Variants in ZNF500 observed in about 807,000 individuals in gnomAD.
The protein encoded by ZNF500 is zinc finger protein 500.
Under a neutral mutation model 30.1 loss-of-function variants are expected in ZNF500, and 31 were observed. The ratio of observed to expected loss-of-function variants is 1.03; its 90% CI spans 0.77 to 1.39. ZNF500 has a LOEUF of 1.39. Among genes scored for constraint, ZNF500 ranks in the 40% most tolerant of loss-of-function variants. The pLI, the probability that ZNF500 is intolerant of heterozygous loss-of-function variation, is 0.00. For missense variants in ZNF500, 817 were observed against 657.8 expected, an observed-to-expected ratio of 1.24 and a Z score of -2.65; for synonymous variants, 392 against 282.0, an observed-to-expected ratio of 1.39 and a Z score of -3.91.
Position 4,765,552 on chromosome 16 carries a change from T to G in ZNF500, c.414+13A>C, listed in dbSNP as rs895849169. 7 of 1,568,612 alleles carry G rather than the reference T, an allele frequency of 4.5e-6. No homozygotes were observed. The South Asian group carries it at 8.4e-5, about 19-fold the overall frequency. ...CCATTTCCTCACCTGAGGGTCAAAA[T>G]GCCCCCACTCACCCGCTGCCTGTGT... is the stretch of plus-strand genomic sequence containing the variant. On this transcript the variant is annotated intron_variant, in intron 2 of 5. Transcript: ENST00000219478.
rs1160184553 is a variant in ZNF500, at chr16:4,748,509, G to A, written c.*3867C>T. 1 of 152,110 alleles carries A rather than the reference G, an allele frequency of 6.6e-6. No individual in the cohort carries two copies. 9.4% of individuals were successfully genotyped at this position (152,110 alleles called of 1,614,324 possible). On this transcript the variant is annotated 3_prime_UTR_variant, in exon 6 of 6. Coordinates refer to ENST00000219478, the MANE Select transcript of ZNF500 (RefSeq NM_021646.4). Reference sequence around the variant, plus strand: ...CTGGAAATGCTGTCCTGTGTAGAATGGAGCAGCGGCCTCACTTGTTGATCA... The same window carrying A: ...CTGGAAATGCTGTCCTGTGTAGAATAGAGCAGCGGCCTCACTTGTTGATCA...
chr16:4,762,435 C>G (rs1485246051), intron 3 of ZNF500, 100 bp from the exon 4 acceptor site: 5 of 1,521,782 alleles, frequency 3.3e-6, no homozygotes, highest in Non-Finnish European at 4.4e-6. Context: ...GGCTGCCCAC[C>G]CAAGATCCAC....
rs371509211 is a variant in ZNF500 at position 4,759,630 on chromosome 16, C to G, written c.760+862G>C. Among the ~76,000 whole-genome samples the G allele has an allele frequency of 2.6e-4, 40 of 152,176 alleles. No homozygotes were observed. The South Asian group carries it at 8.3e-3, about 32-fold the overall frequency. On this transcript the variant is annotated intron_variant, in intron 5 of 5. Transcript: ENST00000219478. ...CAACTTCTGTAAGCAACCAAGGGAGCTGTCTAAGTACCCATTCCTTAAAAT... is the reference window on the plus strand; with the variant it reads ...CAACTTCTGTAAGCAACCAAGGGAGGTGTCTAAGTACCCATTCCTTAAAAT...
downstream of ZNF500, chr16:4,747,405 A>G (rs199642499): frequency 6.2e-7 from 1 of 1,612,750 alleles, no homozygotes; most frequent in African/African-American, 1.3e-5. Flanking sequence ...GGGACAGCCC[A>G]GCCCGAGCTG....
chr16:4,755,223 G>A (rs1425663980), intron 5 of ZNF500, among the ~76,000 whole-genome samples: 1 of 152,186 alleles, frequency 6.6e-6, no homozygotes, highest in Non-Finnish European at 1.5e-5. Context: ...TCAAACTCCT[G>A]ACCTCAAGTG....
At chr16:4,753,146 C>T (rs1352379715) in intron 5 of ZNF500, 88 bp from the exon 6 acceptor site, 65 of 1,467,684 alleles carry the variant, frequency 4.4e-5, no homozygotes, top group Non-Finnish European at 5.3e-5. Context: ...CCTCACAGGG[C>T]TCCTAAGGTT....
chr16:4,759,545 C>T (rs193002413), intron 5 of ZNF500, among the ~76,000 whole-genome samples: 9 of 152,110 alleles, frequency 5.9e-5, no homozygotes, highest in Admixed American at 2.0e-4. Context: ...GCCTCAAGAC[C>T]GTGGCACAGA....
chr16:4,746,907 ACCCATTTCTCTCCCTGCAG>A, downstream of ZNF500: 1 of 1,530,602 alleles, frequency 6.5e-7, no homozygotes, highest in Non-Finnish European at 8.8e-7. Context: ...ACATCCAGAA[ACCCATTTCTCTCCCTGCAG>A]CTCCAGCCAC....
chr16:4,746,832 G>T, downstream of ZNF500: 1 of 1,177,108 alleles, frequency 8.5e-7, no homozygotes, highest in Non-Finnish European at 1.2e-6. Flanking sequence ...CTCTTGCATT[G>T]GGTCACCAGC....
In ZNF500 at chr16:4,752,017, A is replaced by G; in HGVS notation, c.*359T>C. On this transcript the variant is annotated 3_prime_UTR_variant, in exon 6 of 6. Coordinates refer to ENST00000219478, the MANE Select transcript of ZNF500 (RefSeq NM_021646.4). ...CGTGGGGATGAGGCTGTATGCCAGCAGCCACTGGATGCTGGAGGCAGCTGA... is the reference window on the plus strand; with the variant it reads ...CGTGGGGATGAGGCTGTATGCCAGCGGCCACTGGATGCTGGAGGCAGCTGA... The G allele has an allele frequency of 8.4e-7, 1 of 1,184,616 alleles. No homozygotes were observed. Among genetic ancestry groups the G allele is most frequent in the Non-Finnish European group, 1.1e-6 (1 of 931,368 alleles). The allele number at this position is 1,184,616 out of a possible 1,614,324, so 73.4% of individuals were successfully genotyped here. A position where few individuals can be genotyped will look rare whatever the true frequency, so the allele number is the denominator to read the frequency against.
intron 4 of ZNF500, among the ~76,000 whole-genome samples, chr16:4,761,432 C>T (rs1164060802): frequency 6.6e-6 from 1 of 150,610 alleles, no homozygotes; most frequent in Non-Finnish European, 1.5e-5. Context: ...AAGAGCAAAA[C>T]TCTGTCTCAA....
downstream of ZNF500, chr16:4,747,447 C>A: frequency 6.2e-7 from 1 of 1,613,160 alleles, no homozygotes; most frequent in Admixed American, 1.7e-5. Context: ...GGTGGGAGGG[C>A]TCAGGCCCCT....
At chr16:4,747,299 C>T (rs200705043), downstream of ZNF500, 7 of 1,516,828 alleles carry the variant, frequency 4.6e-6, no homozygotes, top group Middle Eastern at 3.6e-4. Flanking sequence ...CTGGGAGGGG[C>T]GGCCCCCACG....
At chr16:4,766,520 C>T (rs1450335721) in intron 1 of ZNF500, among the ~76,000 whole-genome samples, 1 of 152,124 alleles carries the variant, frequency 6.6e-6, no homozygotes, top group African/African-American at 2.4e-5. Context: ...ACTCGGGAGG[C>T]TGAGACAGGA....
chr16:4,752,071 G>A lies in ZNF500; in HGVS notation c.*305C>T. 1.5e-6 allele frequency: 2 copies of A among 1,302,078 alleles called. No homozygotes were observed. Among genetic ancestry groups the A allele is most frequent in the Non-Finnish European group, 1.9e-6 (2 of 1,027,668 alleles). The allele number at this position is 1,302,078 out of a possible 1,614,324, so 80.7% of individuals were successfully genotyped here. On this transcript the variant is annotated 3_prime_UTR_variant, in exon 6 of 6. Coordinates refer to ENST00000219478, the MANE Select transcript of ZNF500 (RefSeq NM_021646.4). ...ACCCTCCCAGGCCCTTCAGGAGCCA[G>A]CCCCACGAACACCTTGAGTGTCGGC...
rs2141843729 is a variant in ZNF500 at position 4,760,531 on chromosome 16, T to G, written c.721A>C (p.Met241Leu). The G allele has an allele frequency of 6.2e-7, 1 of 1,613,812 alleles. No homozygotes were observed. Among genetic ancestry groups the G allele is most frequent in the Non-Finnish European group, 8.5e-7 (1 of 1,179,848 alleles). ...VYLSGEEPRC[M>L]DPAQRDAPLE... The stretch of plus-strand genomic sequence containing the variant: ...GGCGCGTCCCGCTGAGCTGGGTCCA[T>G]GCATCTTGGCTCCTCCCCAGAAAGG... The change falls in exon 5 of 6, where the codon ATG (methionine) becomes CTG (leucine). Residue 241 changes from methionine to leucine, a missense_variant. By Grantham distance (15) the Met-to-Leu change is conservative. Coordinates refer to ENST00000219478, the MANE Select transcript of ZNF500 (RefSeq NM_021646.4).
At position 4,752,473 on chromosome 16, in the gene ZNF500, C is replaced by T. The variant is rs200500663; in HGVS notation, c.1346G>A (p.Gly449Asp). The change falls in exon 6 of 6, where the codon GGC (glycine) becomes GAC (aspartate). Residue 449 changes from glycine (G) to aspartate (D), a missense_variant. Transcript: ENST00000219478. The part of the protein sequence containing the change: ...CPACGRGFRR[G>D]TDLHKHQRTH... Reference sequence around the variant, plus strand: ...CCGCTGGTGCTTGTGCAGGTCGGTGCCCCGGCGGAAGCCCCGGCCACAGGC... The same window carrying T: ...CCGCTGGTGCTTGTGCAGGTCGGTGTCCCGGCGGAAGCCCCGGCCACAGGC... The T allele has an allele frequency of 6.1e-4, 949 of 1,544,834 alleles. 2 individuals are homozygous for T. The highest frequency in any genetic ancestry group is 1.4e-3 in the Admixed American group (72 of 51,468).
rs370103184 is a variant in ZNF500 at position 4,752,808 on chromosome 16, C to T, written c.1011G>A (p.Thr337=). Residue 337 remains threonine, a synonymous_variant, in exon 6 of 6, where the codon ACG becomes ACA. Transcript: ENST00000219478. ...CPECGKGFSK[T]SHLTKHQRTH... is the part of the protein sequence containing the mutation. ...TGCGCTGGTGCTTGGTCAAGTGGGA[C>T]GTCTTGCTGAAGCCTTTGCCACATT... 29 of 1,614,128 alleles carry T rather than the reference C, an allele frequency of 1.8e-5. No individual in the cohort carries two copies. In the African/African-American group the frequency reaches 2.1e-4, roughly 12 times the overall value.
chr16:4,747,356 A>G (rs1190606082), downstream of ZNF500: 1 of 1,584,084 alleles, frequency 6.3e-7, no homozygotes, highest in Non-Finnish European at 8.6e-7. Context: ...CTGTACCGGG[A>G]AAAGCCAGCT....
Sources: gnomAD v4.1 joint callset for allele counts (sites outside exome capture counted in the v4.1 genomes callset) on GRCh38, gnomAD v4.1.1 for gene constraint, MANE v1.5 for transcripts, NCBI Gene and HGNC (gene_info 2026-07-23, HGNC 2026-07-21) for gene names.